The following STAU2 variants were observed in gnomAD, a reference collection of about 807,000 sequenced individuals.
STAU2 encodes staufen double-stranded RNA binding protein 2.
Under a neutral mutation model 65.9 loss-of-function variants are expected in STAU2, and 20 were observed. The ratio of observed to expected loss-of-function variants is 0.30; its 90% CI spans 0.21 to 0.44. STAU2 has a LOEUF of 0.44. STAU2 is among the 20% of genes least tolerant of loss of function. The pLI is 1.00. For synonymous variants in STAU2, 232 were observed against 233.9 expected (o/e 0.99, Z 0.07); for missense variants, 558 against 683.9 (o/e 0.82, Z 2.05).
chr8:73,520,515 C>T (rs1822984469), intron 13 of STAU2, among the ~76,000 whole-genome samples: 1 of 152,114 alleles, frequency 6.6e-6, no homozygotes, highest in African/African-American at 2.4e-5. Context: ...GCGGTTGATT[C>T]CTCAACAACT....
At chr8:73,570,298 A>G (rs1455937527) in intron 12 of STAU2, among the ~76,000 whole-genome samples, 4 of 152,216 alleles carry the variant, frequency 2.6e-5, no homozygotes, top group South Asian at 2.1e-4. Flanking sequence ...GCCTCCAAGA[A>G]ATATGGGACT....
intron 6 of STAU2, among the ~76,000 whole-genome samples, chr8:73,632,482 CT>C (rs1051964639): frequency 6.6e-6 from 1 of 152,168 alleles, no homozygotes; most frequent in South Asian, 2.1e-4. Flanking sequence ...TTATTGTTCT[CT>C]TTGTTATCCT....
intron 3 of STAU2, among the ~76,000 whole-genome samples, chr8:73,710,471 A>G (rs1383489132): frequency 6.6e-6 from 1 of 151,094 alleles, no homozygotes; most frequent in Non-Finnish European, 1.5e-5. Flanking sequence ...AACTGTCAAG[A>G]TCTCAATGAT....
At chr8:73,693,474 C>CA (rs57858834) in intron 4 of STAU2, among the ~76,000 whole-genome samples, 2,427 of 68,182 alleles carry the variant, frequency 0.036, 36 homozygotes, top group Non-Finnish European at 0.048. Flanking sequence ...GACTCCGTCT[C>CA]AAAAAAAAAA....
chr8:73,477,107 G>A (rs1174756274), intron 13 of STAU2, among the ~76,000 whole-genome samples: 1 of 152,140 alleles, frequency 6.6e-6, no homozygotes, highest in African/African-American at 2.4e-5. Context: ...TGGGGGTGGA[G>A]TGGAAGAGAG....
chr8:73,523,679 T>C (rs1376240672), intron 13 of STAU2, among the ~76,000 whole-genome samples: 1 of 152,114 alleles, frequency 6.6e-6, no homozygotes, highest in African/African-American at 2.4e-5. Context: ...GAATCTATAG[T>C]ATGTAGCCTT....
intron 13 of STAU2, among the ~76,000 whole-genome samples, chr8:73,547,908 TG>T (rs987361652): frequency 3.0e-4 from 45 of 152,026 alleles, no homozygotes; most frequent in African/African-American, 1.1e-3. Flanking sequence ...AAAAAAGAAT[TG>T]AAAAAAAACC....
At chr8:73,652,739 A>C (rs1816002602) in intron 6 of STAU2, 1 of 151,620 alleles carries the variant, frequency 6.6e-6, no homozygotes, top group African/African-American at 2.4e-5. Flanking sequence ...AAAAAAAAAA[A>C]CTGTTATTTC....
chr8:73,702,860 G>T (rs756650701), intron 4 of STAU2, among the ~76,000 whole-genome samples: 5 of 152,144 alleles, frequency 3.3e-5, no homozygotes, highest in Non-Finnish European at 7.3e-5. Flanking sequence ...ATACCTATTA[G>T]AATGGCTAAA....
chr8:73,466,280 G>T (rs1312135623), intron 13 of STAU2, among the ~76,000 whole-genome samples: 1 of 152,058 alleles, frequency 6.6e-6, no homozygotes, highest in Non-Finnish European at 1.5e-5. Flanking sequence ...TTATTTTCAG[G>T]TTCTATTCAT....
intron 4 of STAU2, among the ~76,000 whole-genome samples, chr8:73,708,637 T>C (rs1300428745): frequency 6.6e-6 from 1 of 152,188 alleles, no homozygotes; most frequent in Non-Finnish European, 1.5e-5. Flanking sequence ...TGTCTCCATT[T>C]CTACTTTAGC....
At chr8:73,470,522 G>A (rs1326806205) in intron 13 of STAU2, among the ~76,000 whole-genome samples, 2 of 152,174 alleles carry the variant, frequency 1.3e-5, no homozygotes, top group Non-Finnish European at 2.9e-5. Flanking sequence ...TAGAGGCCAG[G>A]CGCAGCAGCT....
intron 6 of STAU2, among the ~76,000 whole-genome samples, chr8:73,665,121 T>C (rs1047357635): frequency 1.3e-5 from 2 of 152,200 alleles, no homozygotes; most frequent in Admixed American, 6.5e-5. Flanking sequence ...TAAAAAGACA[T>C]TTCTAATGCG....
chr8:73,425,999 G>T (rs776151588), intron 13 of STAU2, among the ~76,000 whole-genome samples: 1 of 152,096 alleles, frequency 6.6e-6, no homozygotes, highest in Non-Finnish European at 1.5e-5. Context: ...CACCATGTTG[G>T]CCAGGCTGGT....
At chr8:73,556,857 T>C (rs1025208072) in intron 12 of STAU2, among the ~76,000 whole-genome samples, 1 of 152,158 alleles carries the variant, frequency 6.6e-6, no homozygotes, top group African/African-American at 2.4e-5. Flanking sequence ...AATCTTTTGG[T>C]GAGATGAAAA....
chr8:73,450,962 C>A (rs1301832417), intron 13 of STAU2, among the ~76,000 whole-genome samples: 1 of 152,188 alleles, frequency 6.6e-6, no homozygotes, highest in African/African-American at 2.4e-5. Flanking sequence ...TTTGTGTATA[C>A]ACACCCTAAT....
intron 13 of STAU2, among the ~76,000 whole-genome samples, chr8:73,450,299 A>G (rs926659105): frequency 2.6e-5 from 4 of 152,226 alleles, no homozygotes; most frequent in African/African-American, 9.6e-5. Context: ...TTGTATGTCG[A>G]CATAACTTAG....
rs183770840 is a variant in STAU2 at position 73,568,775 on chromosome 8, G to A, written c.1222+13995C>T. ...GTCCATACTTTCAGTATAAGTAACA[G>A]ATGGATCAAGACTTCAAGATTTCAA... On this transcript the variant is annotated intron_variant, in intron 12 of 14. Coordinates refer to ENST00000524300, the MANE Select transcript of STAU2 (RefSeq NM_001164380.2). Among the ~76,000 whole-genome samples the A allele has an allele frequency of 4.3e-4, 66 of 152,328 alleles. No homozygotes were observed. The East Asian group carries it at 0.011, about 24-fold the overall frequency.
chr8:73,600,717 T>C (rs1811576755), intron 10 of STAU2, among the ~76,000 whole-genome samples: 1 of 152,180 alleles, frequency 6.6e-6, no homozygotes, highest in Non-Finnish European at 1.5e-5. Context: ...CTGTTCCCAT[T>C]CCTGTATTCA....
Sources: allele counts gnomAD v4.1 joint callset (sites outside exome capture counted in the v4.1 genomes callset), GRCh38; gene constraint gnomAD v4.1.1; transcripts MANE v1.5; gene names NCBI Gene and HGNC (gene_info 2026-07-23, HGNC 2026-07-21).